The following RB1 variants were observed in gnomAD, a reference collection of about 807,000 sequenced individuals.
The protein encoded by RB1 is RB transcriptional corepressor 1, also known as retinoblastoma-associated protein.
In RB1, 18 loss-of-function variants were observed where a neutral mutation model predicts 135.4. That is an observed-to-expected ratio of 0.13 (90% CI 0.09 to 0.20). The LOEUF is 0.20. RB1 is among the 10% of genes least tolerant of loss of function. The pLI, the probability that RB1 is intolerant of heterozygous loss-of-function variation, is 1.00. For missense variants in RB1, 868 were observed against 1,110.0 expected (o/e 0.78, Z 3.10); for synonymous variants, 365 against 373.2 (o/e 0.98, Z 0.25).
Position 48,462,353 on chromosome 13 carries a change from G to A in RB1, c.2107-1378G>A, listed in dbSNP as rs1039039243. 3.6e-5 allele frequency among the ~76,000 whole-genome samples: 5 copies of A among 140,542 alleles called. No homozygotes were observed. In the Admixed American group the frequency reaches 3.6e-4, roughly 10 times the overall value. The allele number at this position is 140,542 out of a possible 152,430, so 92.2% of individuals were successfully genotyped here. On this transcript the variant is annotated intron_variant, in intron 20 of 26. Transcript: ENST00000267163. ...TTGCTCAGGCTGGTCTTGAATGGTT[G>A]AGCTCAAGTAAGCCACCCACCTTGG...
chr13:48,466,129 C>G (rs1179054844), intron 23 of RB1, among the ~76,000 whole-genome samples: 2 of 148,920 alleles, frequency 1.3e-5, no homozygotes, highest in African/African-American at 2.5e-5. Flanking sequence ...AAAAAGACAG[C>G]AGTAACCTCT....
chr13:48,452,421 T>C (rs1439702397), intron 17 of RB1, among the ~76,000 whole-genome samples: 1 of 152,194 alleles, frequency 6.6e-6, no homozygotes, highest in Non-Finnish European at 1.5e-5. Context: ...TATTGAGTTT[T>C]GGTAATTTGT....
chr13:48,367,405 A>C (rs184702954), intron 9 of RB1, 89 bp from the exon 10 acceptor site: 6 of 1,415,422 alleles, frequency 4.2e-6, no homozygotes, highest in Non-Finnish European at 5.8e-6. Context: ...TATATTATAC[A>C]AAAATTCTTT....
intron 17 of RB1, among the ~76,000 whole-genome samples, chr13:48,439,367 TG>T (rs2138301146): frequency 6.6e-6 from 1 of 152,316 alleles, no homozygotes; most frequent in African/African-American, 2.4e-5. Flanking sequence ...GACAGAATTT[TG>T]GTAGTGAGGT....
intron 2 of RB1, among the ~76,000 whole-genome samples, chr13:48,326,934 T>G (rs1257969913): frequency 1.3e-5 from 2 of 151,970 alleles, no homozygotes; most frequent in East Asian, 1.9e-4. Flanking sequence ...TCACAAAGTA[T>G]GTGTGGTGAG....
At chr13:48,411,097 T>C (rs1331247508) in intron 17 of RB1, 1 of 211,566 alleles carries the variant, frequency 4.7e-6, no homozygotes, top group African/African-American at 2.3e-5. Flanking sequence ...CATTACAGAT[T>C]GGCACCACAT....
chr13:48,322,112 C>T (rs1952247279), intron 2 of RB1, among the ~76,000 whole-genome samples: 1 of 152,000 alleles, frequency 6.6e-6, no homozygotes, highest in South Asian at 2.1e-4. Flanking sequence ...TTTGGTGACA[C>T]CCCCTATTTT....
At chr13:48,452,294 G>A (rs767759359) in intron 17 of RB1, among the ~76,000 whole-genome samples, 16 of 152,042 alleles carry the variant, frequency 1.1e-4, no homozygotes, top group Non-Finnish European at 1.6e-4. Context: ...TGAATGTTTG[G>A]TAGAATTTAC....
chr13:48,317,989 G>C (rs1952200725), intron 2 of RB1: 11 of 478,658 alleles, frequency 2.3e-5, no homozygotes, highest in Non-Finnish European at 4.4e-5. Context: ...CGATGCTCTC[G>C]TCACTGTCCA....
rs2138331582 is a variant in RB1, at chr13:48,456,329, T to C, written c.1940T>C (p.Leu647Pro). ...QTQKPLKSTS[L>P]SLFYKKVYRL... is the part of the protein sequence containing the mutation. ...CAGAAGCCATTGAAATCTACCTCTC[T>C]TTCACTGTTTTATAAAAAAGGTTAG... The change falls in exon 19 of 27, where the codon CTT becomes CCT. Residue 647 changes from leucine (L) to proline (P), a missense_variant. This residue lies in a region of RB1 where 641 missense variants were observed against 791.3 expected (regional missense o/e 0.81). Transcript: ENST00000267163. 1.2e-6 allele frequency: 2 copies of C among 1,614,202 alleles called. No homozygotes were observed. The highest frequency in any genetic ancestry group is 1.7e-6 in the Non-Finnish European group (2 of 1,180,036).
chr13:48,360,682 T>G (rs1336694253), intron 7 of RB1: 1 of 152,554 alleles, frequency 6.6e-6, no homozygotes, highest in Non-Finnish European at 1.5e-5. Flanking sequence ...ATGGGAAGTA[T>G]ATTTAAATAA....
chr13:48,333,926 A>G (rs1483115491), intron 2 of RB1, among the ~76,000 whole-genome samples: 1 of 152,120 alleles, frequency 6.6e-6, no homozygotes, highest in Non-Finnish European at 1.5e-5. Flanking sequence ...ACAAATGAGC[A>G]AGCAAGCAAG....
intron 1 of RB1, among the ~76,000 whole-genome samples, chr13:48,306,458 T>C (rs192360888): frequency 4.3e-4 from 66 of 152,286 alleles, no homozygotes; most frequent in Non-Finnish European, 8.4e-4. Context: ...GAATTGGCAG[T>C]CTAGAATAGT....
chr13:48,382,020 T>C (rs898277713), intron 17 of RB1, among the ~76,000 whole-genome samples: 9 of 152,188 alleles, frequency 5.9e-5, no homozygotes. Flanking sequence ...ACAAAGGACA[T>C]GAACTCATCC....
In RB1 at chr13:48,362,049, G is replaced by T. The variant is rs924602688; in HGVS notation, c.719-766G>T. Among the ~76,000 whole-genome samples the T allele has an allele frequency of 2.0e-5, 3 of 150,274 alleles. No individual in the cohort carries two copies. In the South Asian group the frequency reaches 6.3e-4, roughly 32 times the overall value. ...TGCAAACTCTGCCTCCCGGGTTCAA[G>T]CAATTCTCCTGCTTCAGCCTCCCGA... On this transcript the variant is annotated intron_variant, in intron 7 of 26. Transcript: ENST00000267163.
At chr13:48,335,811 G>C (rs1489499107) in intron 2 of RB1, among the ~76,000 whole-genome samples, 1 of 151,988 alleles carries the variant, frequency 6.6e-6, no homozygotes, top group Non-Finnish European at 1.5e-5. Context: ...TGTTGGAAAA[G>C]GAGACCTGGA....
At chr13:48,436,284 T>C (rs1315326530) in intron 17 of RB1, among the ~76,000 whole-genome samples, 1 of 152,214 alleles carries the variant, frequency 6.6e-6, no homozygotes, top group Non-Finnish European at 1.5e-5. Flanking sequence ...GTTGGAAATA[T>C]GGATCTAGAA....
chr13:48,423,943 G>A (rs2096406303), intron 17 of RB1: 1 of 152,500 alleles, frequency 6.6e-6, no homozygotes, highest in African/African-American at 2.4e-5. Flanking sequence ...AAAGAAAAAA[G>A]TATGGGACAT....
intron 6 of RB1, 101 bp downstream of exon 6, chr13:48,349,124 C>T: frequency 8.1e-7 from 1 of 1,233,186 alleles, no homozygotes; most frequent in Non-Finnish European, 1.1e-6. Flanking sequence ...GTAATGTACT[C>T]CTCCCTCATT....
Sources: allele counts gnomAD v4.1 joint callset (sites outside exome capture counted in the v4.1 genomes callset), GRCh38; gene constraint gnomAD v4.1.1; regional missense constraint gnomAD v4.1.1; transcripts MANE v1.5; gene names NCBI Gene and HGNC (gene_info 2026-07-23, HGNC 2026-07-21).